The following VASH2 variants were observed in gnomAD, a reference collection of about 807,000 sequenced individuals.
The protein encoded by VASH2 is vasohibin 2.
In VASH2, 28 loss-of-function variants were observed where a neutral mutation model predicts 37.2. That is an observed-to-expected ratio of 0.75 (90% CI 0.56 to 1.03). VASH2 has a LOEUF of 1.03. VASH2 is among the 50% of genes least tolerant of loss of function. The probability of loss-of-function intolerance (pLI) is 0.00; values close to 1 mark genes in which losing one functional copy is unlikely to be tolerated. For synonymous variants in VASH2, 188 were observed against 174.7 expected (o/e 1.08, Z -0.60); for missense variants, 419 against 459.1 (o/e 0.91, Z 0.80).
intron 7 of VASH2, among the ~76,000 whole-genome samples, chr1:212,976,947 G>C (rs1667193320): frequency 6.6e-6 from 1 of 152,212 alleles, no homozygotes; most frequent in Non-Finnish European, 1.5e-5. Flanking sequence ...AAGCACAGGA[G>C]CACAGAGGTG....
At chr1:212,972,449 A>G in intron 5 of VASH2, 131 bp from the exon 6 acceptor site, 2 of 1,078,866 alleles carry the variant, frequency 1.9e-6, no homozygotes, top group East Asian at 2.4e-5. Flanking sequence ...TTAGTCTGGA[A>G]AAGTTAGATG....
At chr1:212,968,859 A>G in intron 5 of VASH2, 1 of 985,472 alleles carries the variant, frequency 1.0e-6, no homozygotes, top group Non-Finnish European at 1.2e-6. Context: ...AGCTAACTTC[A>G]GACTCTTTGT....
At chr1:212,961,304 G>C in intron 3 of VASH2, 50 bp downstream of exon 3, 1 of 1,613,138 alleles carries the variant, frequency 6.2e-7, no homozygotes, top group Non-Finnish European at 8.5e-7. Flanking sequence ...GACAGGCATG[G>C]TGATCGCAAG....
chr1:212,989,610 G>A lies in VASH2; in HGVS notation c.*1026G>A, dbSNP rs905959882. On this transcript the variant is annotated 3_prime_UTR_variant, in exon 8 of 8. Transcript: ENST00000517399. ...CTCACTGTTAAAGATGTGTTCTGAT[G>A]TCTTATATTAAGACCAAATGTGACA... 3 of 152,138 alleles carry A rather than the reference G, an allele frequency of 2.0e-5. No individual in the cohort carries two copies. The highest frequency in any genetic ancestry group is 7.2e-5 in the African/African-American group (3 of 41,442). The allele number at this position is 152,138 out of a possible 1,614,324, so 9.4% of individuals were successfully genotyped here. A position where few individuals can be genotyped will look rare whatever the true frequency, so the allele number is the denominator to read the frequency against.
At chr1:212,981,480 C>T (rs1435420832) in intron 7 of VASH2, among the ~76,000 whole-genome samples, 1 of 152,208 alleles carries the variant, frequency 6.6e-6, no homozygotes, top group Non-Finnish European at 1.5e-5. Context: ...CTGGTCTGAC[C>T]TGATTCTGGC....
chr1:212,975,895 G>A (rs2102649528), intron 7 of VASH2, among the ~76,000 whole-genome samples: 2 of 152,322 alleles, frequency 1.3e-5, no homozygotes, highest in Middle Eastern at 6.8e-3. Context: ...ATGGATTCCT[G>A]CACAGAATGG....
At chr1:212,961,842 C>T (rs375764344) in intron 3 of VASH2, among the ~76,000 whole-genome samples, 4 of 152,222 alleles carry the variant, frequency 2.6e-5, no homozygotes, top group East Asian at 1.9e-4. Context: ...TCAAGTGATC[C>T]GCCCACCTCG....
chr1:212,959,246 G>A (rs1041195242), intron 2 of VASH2, among the ~76,000 whole-genome samples: 8 of 151,228 alleles, frequency 5.3e-5, no homozygotes, highest in Admixed American at 2.0e-4. Context: ...CACAGAATAC[G>A]CTTTACATTT....
At chr1:212,954,480 G>A (rs1572055493) in intron 2 of VASH2, among the ~76,000 whole-genome samples, 1 of 152,130 alleles carries the variant, frequency 6.6e-6, no homozygotes, top group African/African-American at 2.4e-5. Context: ...GAGTGCAGTG[G>A]TGCGATCTCG....
chr1:212,986,322 C>G (rs1465763562), intron 7 of VASH2, among the ~76,000 whole-genome samples: 2 of 152,140 alleles, frequency 1.3e-5, no homozygotes, highest in Admixed American at 6.5e-5. Context: ...ACTTTTCTAA[C>G]CACATTTGCA....
In VASH2 at chr1:212,991,353, C is replaced by T. The variant is rs1025014829; in HGVS notation, c.*2769C>T. The T allele has an allele frequency of 2.0e-5, 3 of 152,124 alleles. No homozygotes were observed. Among genetic ancestry groups the T allele is most frequent in the Admixed American group, 1.3e-4 (2 of 15,274 alleles). 9.4% of individuals were successfully genotyped at this position (152,124 alleles called of 1,614,324 possible). ...AACCTTGTACAGTTTTTTTGACATA[C>T]AATTCAGAACTTTGTTTATTCTCTT... On this transcript the variant is annotated 3_prime_UTR_variant, in exon 8 of 8. Transcript: ENST00000517399.
intron 2 of VASH2, among the ~76,000 whole-genome samples, chr1:212,959,078 T>C (rs1666588746): frequency 6.6e-6 from 1 of 152,180 alleles, no homozygotes; most frequent in Non-Finnish European, 1.5e-5. Flanking sequence ...CCTCTGCTCC[T>C]GGGCTTTCTC....
At chr1:212,953,842 A>G (rs760063310) in intron 2 of VASH2, among the ~76,000 whole-genome samples, 7 of 152,138 alleles carry the variant, frequency 4.6e-5, no homozygotes, top group Non-Finnish European at 7.4e-5. Flanking sequence ...GACTTTTTCT[A>G]TCATTCTGCT....
Position 212,972,900 on chromosome 1 carries a change from A to C in VASH2, c.818A>C (p.Lys273Thr). 6.2e-7 allele frequency: 1 copy of C among 1,614,140 alleles called. No homozygotes were observed. The highest frequency in any genetic ancestry group is 1.7e-5 in the Admixed American group (1 of 59,980). Residue 273 changes from lysine to threonine, a missense_variant, in exon 6 of 8, where the codon AAG becomes ACG. By Grantham distance (78) the Lys-to-Thr change is moderately conservative. This residue lies in a region of VASH2 where 177 missense variants were observed against 166.2 expected (regional missense o/e 1.06). Transcript: ENST00000517399. Reference sequence around the variant, plus strand: ...AAGCAGCTGGTCCTCAACGTCTCAAAGATGCTGAGGGCTGACATAAGGAAG... The same window carrying C: ...AAGCAGCTGGTCCTCAACGTCTCAACGATGCTGAGGGCTGACATAAGGAAG... ...EWKQLVLNVS[K>T]MLRADIRKEL...
chr1:212,988,843 C>G lies in VASH2; in HGVS notation c.*259C>G, dbSNP rs557192262. 2.3e-5 allele frequency: 10 copies of G among 433,996 alleles called. No homozygotes were observed. Among genetic ancestry groups the G allele is most frequent in the African/African-American group, 7.9e-5 (4 of 50,898 alleles). The allele number at this position is 433,996 out of a possible 1,614,324, so 26.9% of individuals were successfully genotyped here. A position where few individuals can be genotyped will look rare whatever the true frequency, so the allele number is the denominator to read the frequency against. ...CTCAAGATCTTAAGGATAACCGTAA[C>G]TGAAGTTTTATATTTTTCCATTTAC... On this transcript the variant is annotated 3_prime_UTR_variant, in exon 8 of 8. Transcript: ENST00000517399.
intron 5 of VASH2, chr1:212,968,130 G>A: frequency 1.2e-6 from 1 of 855,542 alleles, no homozygotes. Flanking sequence ...GAAATTTGAG[G>A]TGCCTTGTGG....
At chr1:212,978,471 A>G (rs998905665) in intron 7 of VASH2, among the ~76,000 whole-genome samples, 1 of 152,130 alleles carries the variant, frequency 6.6e-6, no homozygotes, top group African/African-American at 2.4e-5. Context: ...TCCTCCCTCC[A>G]CGCCCCAAAG....
In VASH2 at chr1:212,966,344, A is replaced by G; in HGVS notation, c.496A>G (p.Ile166Val). 4.5e-6 allele frequency: 7 copies of G among 1,551,636 alleles called. No homozygotes were observed. Among genetic ancestry groups the G allele is most frequent in the Non-Finnish European group, 6.1e-6 (7 of 1,146,898 alleles). The change falls in exon 5 of 8, where the codon ATC becomes GTC. Residue 166 changes from isoleucine to valine, a missense_variant and splice_region_variant. Ile to Val is a conservative substitution (Grantham distance 29). Transcript: ENST00000517399. ...IKCLEAVILG[I>V]YLTNGQPSIE... ...ATGCCTTGAAGCTGTCATCCTGGGC[A>G]TGTATCCTTTAAGTTATGTATGCTT...
At chr1:212,988,399 A>AT in intron 7 of VASH2, 113 bp from the exon 8 acceptor site, 2 of 1,063,322 alleles carry the variant, frequency 1.9e-6, no homozygotes, top group South Asian at 2.7e-5. Flanking sequence ...GAATGGGAGG[A>AT]TGAGACAAAT....
Sources: gnomAD v4.1 joint callset for allele counts (sites outside exome capture counted in the v4.1 genomes callset) on GRCh38, gnomAD v4.1.1 for gene constraint, gnomAD v4.1.1 regional missense constraint, MANE v1.5 for transcripts, NCBI Gene and HGNC (gene_info 2026-07-23, HGNC 2026-07-21) for gene names.